Variants in NEDD4L observed in about 807,000 individuals in gnomAD.
The protein encoded by NEDD4L is E3 ubiquitin-protein ligase NEDD4-like.
A neutral mutation model predicts 148.9 loss-of-function variants in NEDD4L; 54 were observed. The ratio of observed to expected loss-of-function variants is 0.36; its 90% CI spans 0.29 to 0.45. The LOEUF (loss-of-function observed/expected upper bound fraction) is 0.45, where lower values mean the gene tolerates loss of function less well. Ranked by LOEUF, NEDD4L falls within the 20% of genes least tolerant of loss-of-function variation. The pLI is 1.00. For synonymous variants in NEDD4L, 433 were observed against 440.7 expected (o/e 0.98, Z 0.22); for missense variants, 856 against 1,233.8 (o/e 0.69, Z 4.59).
intron 1 of NEDD4L, chr18:58,046,399 T>G (rs2081587652): frequency 1.2e-4 from 4 of 32,174 alleles, no homozygotes; most frequent in Non-Finnish European, 6.5e-5. Flanking sequence ...TGGGTTGACG[T>G]ATTGTGGGGG....
At chr18:58,122,162 C>A (rs1324266953) in intron 1 of NEDD4L, among the ~76,000 whole-genome samples, 3 of 152,200 alleles carry the variant, frequency 2.0e-5, no homozygotes, top group African/African-American at 7.2e-5. Context: ...GTGCCCACAA[C>A]CTGATGGCAG....
At chr18:58,336,305 C>T (rs1455969591) in intron 13 of NEDD4L, among the ~76,000 whole-genome samples, 5 of 152,128 alleles carry the variant, frequency 3.3e-5, no homozygotes, top group South Asian at 2.1e-4. Context: ...TGGCCGGGCA[C>T]GGTGGCTCAC....
At chr18:58,094,900 T>TTAAAAAA (rs751417792) in intron 1 of NEDD4L, among the ~76,000 whole-genome samples, 12,346 of 128,824 alleles carry the variant, frequency 0.096, 602 homozygotes, top group Admixed American at 0.15. Flanking sequence ...AAAGAGCACT[T>TTAAAAAA]AAAAAAAAAA....
intron 13 of NEDD4L, 52 bp from the exon 14 acceptor site, chr18:58,340,986 A>T (rs1218169259): frequency 1.9e-6 from 3 of 1,560,114 alleles, no homozygotes; most frequent in Non-Finnish European, 2.6e-6. Context: ...TATTAAACTG[A>T]TCAGAAAACA....
intron 19 of NEDD4L, among the ~76,000 whole-genome samples, chr18:58,362,679 G>A (rs2045632437): frequency 6.6e-6 from 1 of 152,174 alleles, no homozygotes; most frequent in Non-Finnish European, 1.5e-5. Flanking sequence ...TTTGGTTTAT[G>A]TACTGTTATT....
At chr18:58,328,916 C>T in intron 9 of NEDD4L, 79 bp from the exon 10 acceptor site, 1 of 1,543,728 alleles carries the variant, frequency 6.5e-7, no homozygotes, top group East Asian at 2.3e-5. Context: ...ATCTGGCCCT[C>T]CGTGAGCATT....
At chr18:58,317,654 C>T (rs1374782804) in intron 6 of NEDD4L, among the ~76,000 whole-genome samples, 1 of 152,140 alleles carries the variant, frequency 6.6e-6, no homozygotes, top group Non-Finnish European at 1.5e-5. Context: ...GTTCCTCCTC[C>T]GAGGCCAAGT....
intron 9 of NEDD4L, among the ~76,000 whole-genome samples, chr18:58,326,949 G>A (rs1020913357): frequency 6.6e-6 from 1 of 152,122 alleles, no homozygotes; most frequent in African/African-American, 2.4e-5. Context: ...ATCAAGAGGT[G>A]TACGTTAAAC....
intron 16 of NEDD4L, among the ~76,000 whole-genome samples, chr18:58,344,632 C>T (rs775403297): frequency 3.9e-5 from 6 of 152,188 alleles, no homozygotes; most frequent in Non-Finnish European, 2.9e-5. Context: ...TTTGACTCCC[C>T]TACTAGTCTG....
intron 6 of NEDD4L, among the ~76,000 whole-genome samples, chr18:58,320,017 G>T (rs2058636897): frequency 6.6e-6 from 1 of 152,188 alleles, no homozygotes; most frequent in Admixed American, 6.5e-5. Context: ...ACTTGGCTCT[G>T]TAAGTAACAA....
At chr18:58,131,642 A>T (rs1020268723) in intron 1 of NEDD4L, among the ~76,000 whole-genome samples, 3 of 150,382 alleles carry the variant, frequency 2.0e-5, no homozygotes, top group African/African-American at 7.4e-5. Flanking sequence ...GTTGTGATCT[A>T]GCTGAACTGT....
chr18:58,064,818 A>G (rs2082516281), intron 1 of NEDD4L, among the ~76,000 whole-genome samples: 1 of 152,174 alleles, frequency 6.6e-6, no homozygotes, highest in Non-Finnish European at 1.5e-5. Flanking sequence ...CAAAGAAGTC[A>G]TAGTCTGGCC....
At chr18:58,377,611 A>C (rs2047729632) in intron 24 of NEDD4L, among the ~76,000 whole-genome samples, 1 of 152,186 alleles carries the variant, frequency 6.6e-6, no homozygotes, top group Non-Finnish European at 1.5e-5. Flanking sequence ...AGGAAGAATA[A>C]GCCGTACCCC....
At chr18:58,330,617 C>T (rs1374148950) in intron 10 of NEDD4L, 121 bp from the exon 11 acceptor site, 2 of 649,060 alleles carry the variant, frequency 3.1e-6, no homozygotes, top group Non-Finnish European at 4.8e-6. Context: ...TCATGAGAGG[C>T]ACTTAGTAGG....
intron 2 of NEDD4L, among the ~76,000 whole-genome samples, chr18:58,175,956 C>T (rs919735344): frequency 1.9e-4 from 29 of 152,292 alleles, no homozygotes; most frequent in African/African-American, 7.0e-4. Flanking sequence ...GGTAAATGCA[C>T]AGAGCTGGCA....
rs2050502024 is a variant in NEDD4L at position 58,396,533 on chromosome 18, G to T, written c.*264G>T. 1 of 301,470 alleles carries T rather than the reference G, an allele frequency of 3.3e-6. No homozygotes were observed. Among genetic ancestry groups the T allele is most frequent in the South Asian group, 5.9e-5 (1 of 16,838 alleles). The allele number at this position is 301,470 out of a possible 1,614,324, so 18.7% of individuals were successfully genotyped here. On this transcript the variant is annotated 3_prime_UTR_variant, in exon 31 of 31. Transcript: ENST00000400345. ...GAGGACTTAATGCTATTTATGTTGT[G>T]CCTCTGCAGGCAAAGCCCTTAATAA...
rs151022593 is a variant in NEDD4L, at chr18:58,291,239, A to G, written c.298-24743A>G. On this transcript the variant is annotated intron_variant, in intron 5 of 30. Transcript: ENST00000400345. The stretch of plus-strand genomic sequence containing the variant: ...CGACCGACCCACATGGTCACACAGA[A>G]AACCGGGCTGACTGAAGTTTGCACT... Among the ~76,000 whole-genome samples, 82 of 151,992 alleles carry G rather than the reference A, an allele frequency of 5.4e-4. 1 individual carries two copies. Among genetic ancestry groups the G allele is most frequent in the Non-Finnish European group, 4.9e-4 (33 of 67,962 alleles).
chr18:58,177,095 CT>C (rs1400369822), intron 2 of NEDD4L, among the ~76,000 whole-genome samples: 2 of 149,930 alleles, frequency 1.3e-5, no homozygotes, highest in Non-Finnish European at 2.9e-5. Flanking sequence ...TCCTGAGCCC[CT>C]GGCCCCTTCC....
At chr18:58,109,201 CG>C (rs1599332648) in intron 1 of NEDD4L, among the ~76,000 whole-genome samples, 1 of 152,168 alleles carries the variant, frequency 6.6e-6, no homozygotes, top group African/African-American at 2.4e-5. Flanking sequence ...TCCAGGCAGG[CG>C]GGAAGCCCAG....
Sources: allele counts gnomAD v4.1 joint callset (sites outside exome capture counted in the v4.1 genomes callset), GRCh38; gene constraint gnomAD v4.1.1; transcripts MANE v1.5; gene names NCBI Gene and HGNC (gene_info 2026-07-23, HGNC 2026-07-21).